CACNA1C: variants seen among roughly 807,000 people sequenced by gnomAD.
CACNA1C encodes the protein voltage-dependent L-type calcium channel subunit alpha-1C.
Under a neutral mutation model 229.0 loss-of-function variants are expected in CACNA1C, and 30 were observed. The ratio of observed to expected loss-of-function variants is 0.13; its 90% CI spans 0.10 to 0.18. The LOEUF (loss-of-function observed/expected upper bound fraction) is 0.18, where lower values mean the gene tolerates loss of function less well. Among genes scored for constraint, CACNA1C ranks in the 10% least tolerant of loss-of-function variants. CACNA1C has a pLI of 1.00. For missense variants in CACNA1C, 1,658 were observed against 2,845.0 expected (o/e 0.58, Z 9.49); for synonymous variants, 1,114 against 1,132.5 (o/e 0.98, Z 0.33).
chr12:2,571,357 A>G (rs1029985751), intron 13 of CACNA1C, among the ~76,000 whole-genome samples: 1 of 152,146 alleles, frequency 6.6e-6, no homozygotes, highest in African/African-American at 2.4e-5. Context: ...TTCTTGTTAG[A>G]TAATTGCCGA....
rs545478145 is a variant in CACNA1C, at chr12:2,577,183, A to G, written c.1896-4407A>G. Among the ~76,000 whole-genome samples, 17 of 152,182 alleles carry G rather than the reference A, an allele frequency of 1.1e-4. No individual in the cohort carries two copies. The East Asian group carries it at 1.2e-3, about 10-fold the overall frequency. Reference sequence around the variant, plus strand: ...CTGAAGACAAACAGCACAAACAACCATATCTCTGTCTGTCTGTCTGTCTGA... The same window carrying G: ...CTGAAGACAAACAGCACAAACAACCGTATCTCTGTCTGTCTGTCTGTCTGA... On this transcript the variant is annotated intron_variant, in intron 13 of 46. Coordinates refer to ENST00000399655, the MANE Select transcript of CACNA1C (RefSeq NM_000719.7).
At chr12:2,135,691 G>A (rs980430583) in intron 3 of CACNA1C, among the ~76,000 whole-genome samples, 1 of 145,244 alleles carries the variant, frequency 6.9e-6, no homozygotes, top group African/African-American at 2.7e-5. Flanking sequence ...CGTGCTGGGA[G>A]AACCACTGCT....
At chr12:2,230,747 GA>G (rs2064833771) in intron 3 of CACNA1C, among the ~76,000 whole-genome samples, 1 of 152,240 alleles carries the variant, frequency 6.6e-6, no homozygotes, top group African/African-American at 2.4e-5. Flanking sequence ...TCCAAGACAA[GA>G]AAAGAGTAAC....
chr12:2,154,316 A>G (rs942710351), intron 3 of CACNA1C, among the ~76,000 whole-genome samples: 1 of 152,188 alleles, frequency 6.6e-6, no homozygotes, highest in Non-Finnish European at 1.5e-5. Flanking sequence ...GCAATCAAAG[A>G]GTGGGCGGTC....
chr12:2,565,191 G>T (rs535322479), intron 11 of CACNA1C, among the ~76,000 whole-genome samples: 7 of 152,276 alleles, frequency 4.6e-5, no homozygotes, highest in Non-Finnish European at 7.4e-5. Context: ...AACCCCGGCC[G>T]GGCGCGGTGG....
At chr12:2,465,648 A>G (rs1291391852) in intron 5 of CACNA1C, among the ~76,000 whole-genome samples, 1 of 152,230 alleles carries the variant, frequency 6.6e-6, no homozygotes, top group Non-Finnish European at 1.5e-5. Context: ...GCAGTTTTCT[A>G]AACAGCCACT....
chr12:2,138,130 G>A (rs927934678), intron 3 of CACNA1C, among the ~76,000 whole-genome samples: 2 of 151,412 alleles, frequency 1.3e-5, no homozygotes, highest in African/African-American at 4.8e-5. Context: ...CTGGGCTCTC[G>A]GGCACACAGT....
chr12:1,998,444 C>G (rs1404048423), intron 1 of CACNA1C, among the ~76,000 whole-genome samples: 1 of 152,148 alleles, frequency 6.6e-6, no homozygotes, highest in African/African-American at 2.4e-5. Context: ...AGCAGATGAT[C>G]TGTCAATAAC....
At chr12:2,341,012 G>A (rs1333441229) in intron 3 of CACNA1C, among the ~76,000 whole-genome samples, 1 of 152,150 alleles carries the variant, frequency 6.6e-6, no homozygotes, top group African/African-American at 2.4e-5. Context: ...TACGGCAGTA[G>A]GCACCTTCAA....
chr12:2,662,417 A>G (rs2095809873), intron 34 of CACNA1C, among the ~76,000 whole-genome samples: 1 of 152,226 alleles, frequency 6.6e-6, no homozygotes, highest in Admixed American at 6.5e-5. Context: ...AATCAATTGT[A>G]TTCCCTCTAT....
chr12:2,600,031 G>A (rs2071104956), intron 21 of CACNA1C, among the ~76,000 whole-genome samples: 2 of 152,196 alleles, frequency 1.3e-5, no homozygotes, highest in East Asian at 1.9e-4. Flanking sequence ...AATGCAGAGT[G>A]TTCTGTTAGA....
intron 3 of CACNA1C, among the ~76,000 whole-genome samples, chr12:2,162,929 G>A (rs757699095): frequency 6.6e-6 from 1 of 152,074 alleles, no homozygotes; most frequent in Non-Finnish European, 1.5e-5. Context: ...CCCCTCATTT[G>A]CCCATGCACA....
intron 28 of CACNA1C, among the ~76,000 whole-genome samples, chr12:2,611,600 T>C (rs1169615773): frequency 6.6e-6 from 1 of 152,064 alleles, no homozygotes; most frequent in African/African-American, 2.4e-5. Context: ...GGGTTCTGCA[T>C]CCACCTGTCT....
intron 3 of CACNA1C, among the ~76,000 whole-genome samples, chr12:2,336,752 C>T (rs2096708320): frequency 6.6e-6 from 1 of 152,136 alleles, no homozygotes; most frequent in East Asian, 1.9e-4. Context: ...CTTTAGGGGC[C>T]CTCTAAGGCA....
intron 3 of CACNA1C, among the ~76,000 whole-genome samples, chr12:2,351,455 C>T (rs932875541): frequency 1.2e-4 from 19 of 152,316 alleles, no homozygotes; most frequent in African/African-American, 4.1e-4. Context: ...TCCCCAAGGC[C>T]ACTTCCTGGC....
At chr12:2,525,948 G>T (rs975343805) in intron 9 of CACNA1C, among the ~76,000 whole-genome samples, 6 of 152,202 alleles carry the variant, frequency 3.9e-5, no homozygotes, top group African/African-American at 1.4e-4. Context: ...AAACAACAGA[G>T]AATCTGCTCA....
At chr12:2,268,112 G>C (rs1276737188) in intron 3 of CACNA1C, among the ~76,000 whole-genome samples, 1 of 152,150 alleles carries the variant, frequency 6.6e-6, no homozygotes, top group Non-Finnish European at 1.5e-5. Flanking sequence ...CCAGGGACTG[G>C]TTTGTTTCCA....
chr12:2,452,548 C>T (rs774481895), intron 4 of CACNA1C, among the ~76,000 whole-genome samples: 10 of 152,166 alleles, frequency 6.6e-5, no homozygotes, highest in Admixed American at 2.0e-4. Context: ...AGCAGTCCTT[C>T]GGCCAGGCGT....
rs144544915 is a variant in CACNA1C, at chr12:2,257,238, C to A, written c.477+136808C>A. Among the ~76,000 whole-genome samples, 395 of 152,286 alleles carry A rather than the reference C, an allele frequency of 2.6e-3. 4 individuals carry two copies. The highest frequency in any genetic ancestry group is 9.2e-3 in the African/African-American group (381 of 41,538). ...TCACTGGCCAGAAGTCAGCCATGGGCCACACCTGTCTCCAAAGGAGGTTGA... is the reference window on the plus strand; with the variant it reads ...TCACTGGCCAGAAGTCAGCCATGGGACACACCTGTCTCCAAAGGAGGTTGA... On this transcript the variant is annotated intron_variant, in intron 3 of 46. Coordinates refer to ENST00000399655, the MANE Select transcript of CACNA1C (RefSeq NM_000719.7).
Sources: allele counts gnomAD v4.1 joint callset (sites outside exome capture counted in the v4.1 genomes callset), GRCh38; gene constraint gnomAD v4.1.1; transcripts MANE v1.5; gene names NCBI Gene and HGNC (gene_info 2026-07-23, HGNC 2026-07-21).